Variants in XK observed in about 807,000 individuals in gnomAD.
XK encodes endoplasmic reticulum membrane adapter protein XK.
Under a neutral mutation model 14.0 loss-of-function variants are expected in XK, and 2 were observed. The observed-to-expected ratio is 0.14, with a 90% CI of 0.06 to 0.45. The LOEUF is 0.45. Ranked by LOEUF, XK falls within the 20% of genes least tolerant of loss-of-function variation. The pLI is 0.98. For missense variants in XK, 235 were observed against 341.5 expected (o/e 0.69, Z 2.46); for synonymous variants, 149 against 147.5 (o/e 1.01, Z -0.08).
chrX:37,698,861 C>T (rs1341661322), intron 2 of XK, among the ~76,000 whole-genome samples: 3 of 111,533 alleles, frequency 2.7e-5, no homozygotes, highest in South Asian at 3.8e-4. Flanking sequence ...GTTGTCTAAC[C>T]GAGTCTGGGA....
At chrX:37,717,002 C>T (rs1308006833) in intron 2 of XK, among the ~76,000 whole-genome samples, 1 of 111,489 alleles carries the variant, frequency 9.0e-6, no homozygotes, top group Non-Finnish European at 1.9e-5. Flanking sequence ...TACCCATTCC[C>T]GGGTGCCTGA....
At chrX:37,690,774 C>T (rs1353261618) in intron 1 of XK, among the ~76,000 whole-genome samples, 4 of 112,059 alleles carry the variant, frequency 3.6e-5, no homozygotes, top group African/African-American at 9.7e-5. Flanking sequence ...TTTATAAATA[C>T]TTCACAGAAA....
chrX:37,728,694 T>C lies in XK; in HGVS notation c.*232T>C. 2.4e-6 allele frequency: 1 copy of C among 416,523 alleles called. No homozygotes were observed. The highest frequency in any genetic ancestry group is 3.5e-5 in the South Asian group (1 of 28,430). 34.3% of individuals were successfully genotyped at this position (416,523 alleles called of 1,213,427 possible). A position where few individuals can be genotyped will look rare whatever the true frequency, so the allele number is the denominator to read the frequency against. ...AGGCATCACAGTTCACAGGTAACCA[T>C]GTTGTGTTCTTCTAGGCATTACTGG... On this transcript the variant is annotated 3_prime_UTR_variant, in exon 3 of 3. Coordinates refer to ENST00000378616, the MANE Select transcript of XK (RefSeq NM_021083.4).
chrX:37,706,715 A>C (rs1927533823), intron 2 of XK, among the ~76,000 whole-genome samples: 1 of 108,646 alleles, frequency 9.2e-6, no homozygotes. Flanking sequence ...ACAATAGTGG[A>C]GGGAAGGTCA....
chrX:37,685,867 A>G lies in XK; in HGVS notation c.-95A>G. The G allele has an allele frequency of 1.9e-6, 2 of 1,033,624 alleles. No individual in the cohort carries two copies. The highest frequency in any genetic ancestry group is 1.9e-5 in the African/African-American group (1 of 53,721). The allele number at this position is 1,033,624 out of a possible 1,213,427, so 85.2% of individuals were successfully genotyped here. A position where few individuals can be genotyped will look rare whatever the true frequency, so the allele number is the denominator to read the frequency against. ...GCGCGGGAGCGGTTTGGGGCTGGGC[A>G]TGCTGGGAGCCCCTCGGGCAACGGC... On this transcript the variant is annotated 5_prime_UTR_variant, in exon 1 of 3. An upstream start codon of the reference 5' UTR is lost. Transcript: ENST00000378616.
chrX:37,705,877 C>T (rs1484522061), intron 2 of XK, among the ~76,000 whole-genome samples: 4 of 107,511 alleles, frequency 3.7e-5, no homozygotes, highest in African/African-American at 6.8e-5. Context: ...CTGAGCCTCC[C>T]AAGTAGGTGG....
At chrX:37,714,046 G>T (rs782204040) in intron 2 of XK, among the ~76,000 whole-genome samples, 1 of 111,614 alleles carries the variant, frequency 9.0e-6, no homozygotes, top group South Asian at 3.7e-4. Context: ...AAGTTTAAGG[G>T]CCCAAAGCCA....
intron 2 of XK, among the ~76,000 whole-genome samples, chrX:37,711,831 CAG>C (rs1246307402): frequency 9.0e-6 from 1 of 111,403 alleles, no homozygotes; most frequent in Non-Finnish European, 1.9e-5. Flanking sequence ...ATTTCTGTCA[CAG>C]ATGATGTGAC....
chrX:37,698,189 T>A lies in XK; in HGVS notation c.508+3641T>A, dbSNP rs183514557. ...TTCTCTATTCTACTCAAGGTGGTAATGTTGGTAGTAAAAATGGCTGTTTCA... is the reference window on the plus strand; with the variant it reads ...TTCTCTATTCTACTCAAGGTGGTAAAGTTGGTAGTAAAAATGGCTGTTTCA... On this transcript the variant is annotated intron_variant, in intron 2 of 2. Transcript: ENST00000378616. 5.4e-5 allele frequency among the ~76,000 whole-genome samples: 6 copies of A among 111,980 alleles called. No homozygotes were observed. In the East Asian group the frequency reaches 1.4e-3, roughly 26 times the overall value.
intron 2 of XK, among the ~76,000 whole-genome samples, chrX:37,700,743 G>T (rs1217203785): frequency 9.0e-6 from 1 of 111,075 alleles, no homozygotes; most frequent in African/African-American, 3.3e-5. Flanking sequence ...GGGACCTAGG[G>T]TGGAGCTGCA....
intron 2 of XK, among the ~76,000 whole-genome samples, chrX:37,711,173 A>T (rs1325721661): frequency 8.9e-6 from 1 of 112,166 alleles, no homozygotes; most frequent in Non-Finnish European, 1.9e-5. Context: ...AAGAAGACAT[A>T]CCATAAAAGA....
intron 2 of XK, among the ~76,000 whole-genome samples, chrX:37,702,997 G>T (rs1927444488): frequency 8.9e-6 from 1 of 111,963 alleles, no homozygotes; most frequent in Admixed American, 9.4e-5. Context: ...TGTTCAAAAA[G>T]TGAGCCCACT....
At chrX:37,717,428 T>A (rs1310672848) in intron 2 of XK, among the ~76,000 whole-genome samples, 3 of 112,041 alleles carry the variant, frequency 2.7e-5, no homozygotes, top group Non-Finnish European at 5.7e-5. Flanking sequence ...TTTATAGGAT[T>A]GTTGTTAGAA....
chrX:37,696,785 T>G (rs1215793711), intron 2 of XK, among the ~76,000 whole-genome samples: 2 of 112,420 alleles, frequency 1.8e-5, no homozygotes, highest in African/African-American at 3.2e-5. Flanking sequence ...AGTGGCAAAG[T>G]TGATGTCCCT....
chrX:37,708,505 A>G (rs1927597363), intron 2 of XK, among the ~76,000 whole-genome samples: 1 of 112,338 alleles, frequency 8.9e-6, no homozygotes, highest in South Asian at 3.7e-4. Context: ...CTGTAAGACA[A>G]CAAACATTTG....
chrX:37,726,495 C>A (rs1556450026), intron 2 of XK, among the ~76,000 whole-genome samples: 1 of 111,260 alleles, frequency 9.0e-6, no homozygotes, highest in Non-Finnish European at 1.9e-5. Context: ...TGCTTCCCAT[C>A]CTTCCTTGTG....
intron 1 of XK, among the ~76,000 whole-genome samples, chrX:37,692,241 TTTA>T (rs1205819061): frequency 6.3e-5 from 7 of 110,415 alleles, no homozygotes; most frequent in Admixed American, 9.7e-5. Flanking sequence ...TTAATTTTCG[TTTA>T]TTATTATTAT....
intron 2 of XK, among the ~76,000 whole-genome samples, chrX:37,724,434 A>G (rs1315401514): frequency 1.8e-5 from 2 of 111,479 alleles, no homozygotes; most frequent in Non-Finnish European, 3.8e-5. Flanking sequence ...AAACAATACA[A>G]TGGAGAAATG....
intron 2 of XK, among the ~76,000 whole-genome samples, chrX:37,727,241 C>A (rs1556450203): frequency 9.0e-6 from 1 of 111,400 alleles, no homozygotes; most frequent in Non-Finnish European, 1.9e-5. Context: ...AACTATTAGA[C>A]AACTATCACC....
Sources: gnomAD v4.1 joint callset for allele counts (sites outside exome capture counted in the v4.1 genomes callset) on GRCh38, gnomAD v4.1.1 for gene constraint, MANE v1.5 for transcripts, NCBI Gene and HGNC (gene_info 2026-07-23, HGNC 2026-07-21) for gene names.